The following KANSL1 variants were observed in gnomAD, a reference collection of about 807,000 sequenced individuals.
KANSL1 encodes KAT8 regulatory NSL complex subunit 1, also known as MLL1/MLL complex subunit KANSL1.
A neutral mutation model predicts 103.6 loss-of-function variants in KANSL1; 22 were observed. The observed-to-expected ratio is 0.21, with a 90% CI of 0.15 to 0.30. The LOEUF is 0.30. KANSL1 is among the 10% of genes least tolerant of loss of function. The pLI is 1.00. For missense variants in KANSL1, 1,337 were observed against 1,399.8 expected (o/e 0.96, Z 0.72); for synonymous variants, 600 against 527.6 (o/e 1.14, Z -1.88).
chr17:46,082,211 G>GT (rs1455094653), intron 4 of KANSL1, among the ~76,000 whole-genome samples: 1 of 152,172 alleles, frequency 6.6e-6, no homozygotes, highest in East Asian at 1.9e-4. Flanking sequence ...TGGCTGTAGT[G>GT]TTTTGAGAAT....
At chr17:46,149,858 CA>C (rs67220813) in intron 2 of KANSL1, among the ~76,000 whole-genome samples, 19,020 of 134,410 alleles carry the variant, frequency 0.14, 39 homozygotes, top group Middle Eastern at 0.23. Flanking sequence ...ACTAAAAATA[CA>C]AAAAAAAAAA....
chr17:46,153,543 C>T (rs1040278269), intron 2 of KANSL1, among the ~76,000 whole-genome samples: 3 of 152,128 alleles, frequency 2.0e-5, no homozygotes, highest in Non-Finnish European at 2.9e-5. Flanking sequence ...CAAAATGTTT[C>T]GTGTACATGA....
At chr17:46,144,025 G>A (rs558216822) in intron 2 of KANSL1, among the ~76,000 whole-genome samples, 1 of 152,172 alleles carries the variant, frequency 6.6e-6, no homozygotes, top group Non-Finnish European at 1.5e-5. Flanking sequence ...AGTAACAGCA[G>A]AGGTAAAACA....
intron 2 of KANSL1, chr17:46,148,323 A>C (rs952587002): frequency 5.9e-5 from 9 of 152,238 alleles, no homozygotes; most frequent in African/African-American, 2.2e-4. Context: ...GTTCTGTCAC[A>C]TTTTAAGGAT....
At chr17:46,180,651 A>T (rs904974118) in intron 1 of KANSL1, among the ~76,000 whole-genome samples, 1 of 152,198 alleles carries the variant, frequency 6.6e-6, no homozygotes, top group African/African-American at 2.4e-5. Context: ...GAGCCACTGC[A>T]TTTCAGCCAG....
intron 2 of KANSL1, among the ~76,000 whole-genome samples, chr17:46,166,847 A>G (rs2046026063): frequency 6.6e-6 from 1 of 152,222 alleles, no homozygotes; most frequent in African/African-American, 2.4e-5. Flanking sequence ...CAAACATACA[A>G]TTATTCTTGG....
At chr17:46,165,346 C>A (rs1480674078) in intron 2 of KANSL1, among the ~76,000 whole-genome samples, 1 of 152,114 alleles carries the variant, frequency 6.6e-6, no homozygotes, top group African/African-American at 2.4e-5. Flanking sequence ...CATTCTCCTG[C>A]CTCAGCCTCC....
chr17:46,067,377 T>C (rs1057185112), intron 5 of KANSL1, among the ~76,000 whole-genome samples, 172 bp downstream of exon 5: 1 of 152,234 alleles, frequency 6.6e-6, no homozygotes, highest in African/African-American at 2.4e-5. Context: ...AAGGAAAATA[T>C]ACAATTAATT....
intron 1 of KANSL1, among the ~76,000 whole-genome samples, chr17:46,204,255 G>A (rs555861921): frequency 1.5e-4 from 23 of 152,188 alleles, no homozygotes; most frequent in Non-Finnish European, 3.2e-4. Context: ...TCAGGAGTTC[G>A]AGACCAGCCT....
chr17:46,044,917 A>AAT (rs2077448795), intron 7 of KANSL1: 1 of 152,228 alleles, frequency 6.6e-6, no homozygotes, highest in African/African-American at 2.4e-5. Flanking sequence ...GCCAGAAAAC[A>AAT]GCTAAGTATC....
At chr17:46,194,647 G>T (rs892018567), upstream of KANSL1, among the ~76,000 whole-genome samples, 6 of 152,216 alleles carry the variant, frequency 3.9e-5, no homozygotes, top group Non-Finnish European at 8.8e-5. Flanking sequence ...TTAAATGACT[G>T]AAGAAAAAAT....
At chr17:46,084,978 G>A (rs1021922387) in intron 3 of KANSL1, among the ~76,000 whole-genome samples, 1 of 151,880 alleles carries the variant, frequency 6.6e-6, no homozygotes, top group African/African-American at 2.4e-5. Flanking sequence ...CCTACTTAAG[G>A]GCCCAAACTG....
intron 2 of KANSL1, among the ~76,000 whole-genome samples, chr17:46,126,818 T>C (rs2043581912): frequency 6.6e-6 from 1 of 152,164 alleles, no homozygotes; most frequent in South Asian, 2.1e-4. Context: ...GTTTAGCTCC[T>C]AAAGTAGGAA....
chr17:46,197,634 CTG>C (rs1339299938), upstream of KANSL1, among the ~76,000 whole-genome samples: 1 of 152,224 alleles, frequency 6.6e-6, no homozygotes, highest in Admixed American at 6.5e-5. Flanking sequence ...CAGAAGGAGA[CTG>C]TGTCTCAAAA....
chr17:46,063,337 C>T (rs1326090654), intron 6 of KANSL1, among the ~76,000 whole-genome samples: 4 of 152,142 alleles, frequency 2.6e-5, no homozygotes, highest in East Asian at 1.9e-4. Context: ...CTGAATAATA[C>T]GGTGGGCATT....
At chr17:46,105,854 C>T (rs562906938) in intron 2 of KANSL1, among the ~76,000 whole-genome samples, 103 of 148,534 alleles carry the variant, frequency 6.9e-4, no homozygotes, top group Middle Eastern at 6.9e-3. Flanking sequence ...CTGGGCAGCA[C>T]AGCAAGACCT....
intron 6 of KANSL1, among the ~76,000 whole-genome samples, chr17:46,056,447 G>A (rs1013007429): frequency 2.0e-5 from 3 of 147,396 alleles, no homozygotes; most frequent in African/African-American, 7.3e-5. Flanking sequence ...CTAGCTGTGT[G>A]GCCTTAAGAC....
chr17:46,128,667 C>T (rs117965585), intron 2 of KANSL1, among the ~76,000 whole-genome samples: 3,212 of 152,164 alleles, frequency 0.021, 53 homozygotes, highest in South Asian at 0.058. Flanking sequence ...CAGAAGGAAT[C>T]GAAAATAGGC....
At chr17:46,077,096 G>A (rs2078804030) in intron 4 of KANSL1, among the ~76,000 whole-genome samples, 1 of 152,210 alleles carries the variant, frequency 6.6e-6, no homozygotes, top group Admixed American at 6.5e-5. Context: ...CCGTCGCCCA[G>A]GCTCAAGTAC....
Sources: allele counts gnomAD v4.1 joint callset (sites outside exome capture counted in the v4.1 genomes callset), GRCh38; gene constraint gnomAD v4.1.1; transcripts MANE v1.5; gene names NCBI Gene and HGNC (gene_info 2026-07-23, HGNC 2026-07-21).